Variants in GPR39 observed in about 807,000 individuals in gnomAD.
GPR39 encodes the protein zinc sensing receptor.
In GPR39, 23 loss-of-function variants were observed where a neutral mutation model predicts 18.4. That is an observed-to-expected ratio of 1.25 (90% CI 0.90 to 1.77). The LOEUF is 1.77. Ranked by LOEUF, GPR39 falls within the 40% of genes most tolerant of loss-of-function variation. The probability of loss-of-function intolerance (pLI) is 0.00; values close to 1 mark genes in which losing one functional copy is unlikely to be tolerated. For synonymous variants in GPR39, 280 were observed against 257.9 expected, an observed-to-expected ratio of 1.09 and a Z score of -0.82; for missense variants, 647 against 602.4, an observed-to-expected ratio of 1.07 and a Z score of -0.78.
chr2:132,618,227 G>A (rs1004103086), intron 1 of GPR39, among the ~76,000 whole-genome samples: 2 of 152,190 alleles, frequency 1.3e-5, no homozygotes, highest in African/African-American at 4.8e-5. Flanking sequence ...CCTGACAAAG[G>A]TCACTCCAAC....
intron 1 of GPR39, among the ~76,000 whole-genome samples, chr2:132,510,720 A>G (rs1045189627): frequency 6.6e-6 from 1 of 152,172 alleles, no homozygotes; most frequent in Non-Finnish European, 1.5e-5. Flanking sequence ...TGTTTACTTT[A>G]CTGCCATAAT....
At chr2:132,634,965 T>C (rs1681723182) in intron 1 of GPR39, among the ~76,000 whole-genome samples, 1 of 152,178 alleles carries the variant, frequency 6.6e-6, no homozygotes, top group Admixed American at 6.5e-5. Flanking sequence ...GGGCTTCAGG[T>C]TAAAGCCACC....
rs1195131399 is a variant in GPR39 at position 132,646,191 on chromosome 2, TCA to T, written c.*586_*587del. The stretch of plus-strand genomic sequence containing the variant: ...TTGCAGCAGCTGATGCAAACTGAGT[TCA>T]GTTTCCCTGGGGAGCAGAAGGACTG... On this transcript the variant is annotated 3_prime_UTR_variant, in exon 2 of 2. Coordinates refer to ENST00000329321, the MANE Select transcript of GPR39 (RefSeq NM_001508.3). The T allele has an allele frequency of 6.2e-7, 1 of 1,609,122 alleles. No individual in the cohort carries two copies. The highest frequency in any genetic ancestry group is 1.7e-5 in the Admixed American group (1 of 59,430).
At chr2:132,429,630 A>G (rs1194764938) in intron 1 of GPR39, among the ~76,000 whole-genome samples, 5 of 152,252 alleles carry the variant, frequency 3.3e-5, no homozygotes, top group Admixed American at 1.3e-4. Flanking sequence ...CCAGTGTGTG[A>G]CAAATGGGGT....
intron 1 of GPR39, among the ~76,000 whole-genome samples, chr2:132,588,202 C>G (rs1035198029): frequency 6.6e-6 from 1 of 152,150 alleles, no homozygotes; most frequent in African/African-American, 2.4e-5. Flanking sequence ...GGGTTAAAGA[C>G]CTGTAGCACT....
intron 1 of GPR39, among the ~76,000 whole-genome samples, chr2:132,426,848 A>G (rs562614762): frequency 6.6e-6 from 1 of 152,032 alleles, no homozygotes; most frequent in Non-Finnish European, 1.5e-5. Context: ...GCAGCATCAA[A>G]GTTGCCATTG....
intron 1 of GPR39, among the ~76,000 whole-genome samples, chr2:132,552,456 TA>T (rs1199420409): frequency 1.3e-5 from 2 of 152,004 alleles, no homozygotes; most frequent in Non-Finnish European, 2.9e-5. Flanking sequence ...GAGGCCTCCC[TA>T]GAAGCCAAGC....
intron 1 of GPR39, among the ~76,000 whole-genome samples, chr2:132,501,855 G>A (rs906519844): frequency 6.6e-6 from 1 of 152,044 alleles, no homozygotes; most frequent in African/African-American, 2.4e-5. Flanking sequence ...TTAAACTCCT[G>A]TTGCTTTAAA....
At chr2:132,558,270 T>C (rs758813305) in intron 1 of GPR39, among the ~76,000 whole-genome samples, 4 of 152,158 alleles carry the variant, frequency 2.6e-5, no homozygotes, top group Non-Finnish European at 5.9e-5. Context: ...CAATACCTGC[T>C]CTGTTGTCTC....
At chr2:132,603,447 G>A (rs1364751956) in intron 1 of GPR39, among the ~76,000 whole-genome samples, 1 of 152,144 alleles carries the variant, frequency 6.6e-6, no homozygotes, top group African/African-American at 2.4e-5. Context: ...ATGAGTTCTA[G>A]TGTTCTATAG....
At chr2:132,598,826 G>A (rs113067138) in intron 1 of GPR39, among the ~76,000 whole-genome samples, 27 of 152,246 alleles carry the variant, frequency 1.8e-4, no homozygotes, top group Middle Eastern at 3.4e-3. Context: ...GTGACCTTAT[G>A]TGAGCAGCAC....
chr2:132,617,387 T>G (rs1384525314), intron 1 of GPR39, among the ~76,000 whole-genome samples: 1 of 152,198 alleles, frequency 6.6e-6, no homozygotes, highest in Non-Finnish European at 1.5e-5. Flanking sequence ...TGCCTTTCCT[T>G]TGCTTCTCTA....
At chr2:132,498,467 C>T (rs1681690767) in intron 1 of GPR39, among the ~76,000 whole-genome samples, 1 of 152,108 alleles carries the variant, frequency 6.6e-6, no homozygotes, top group Admixed American at 6.5e-5. Flanking sequence ...TTTTCTTTAT[C>T]CACTCATTGA....
At position 132,545,256 on chromosome 2, in the gene GPR39, A is replaced by T. The variant is rs192511853; in HGVS notation, c.857-99845A>T. Reference sequence around the variant, plus strand: ...TGGACTGCTCTAGGTTCTACCTCAGAGTCACTTGTTAAAGGGACAGATCTT... The same window carrying T: ...TGGACTGCTCTAGGTTCTACCTCAGTGTCACTTGTTAAAGGGACAGATCTT... On this transcript the variant is annotated intron_variant, in intron 1 of 1. Transcript: ENST00000329321. 2.2e-3 allele frequency among the ~76,000 whole-genome samples: 340 copies of T among 152,328 alleles called. 2 individuals carry two copies. Among genetic ancestry groups the T allele is most frequent in the African/African-American group, 7.4e-3 (308 of 41,574 alleles).
At chr2:132,444,327 C>A (rs1680495920) in intron 1 of GPR39, among the ~76,000 whole-genome samples, 1 of 151,968 alleles carries the variant, frequency 6.6e-6, no homozygotes, top group African/African-American at 2.4e-5. Context: ...GGGTCTCACT[C>A]TTGTCACCTT....
rs566276613 is a variant in GPR39 at position 132,453,393 on chromosome 2, T to A, written c.856+35495T>A. ...GTTTGGATATTAGCCTTTTGTCAGA[T>A]GAGTAGATTGCAAAAATTTTTTCCC... On this transcript the variant is annotated intron_variant, in intron 1 of 1. Coordinates refer to ENST00000329321, the MANE Select transcript of GPR39 (RefSeq NM_001508.3). Among the ~76,000 whole-genome samples the A allele has an allele frequency of 2.0e-5, 3 of 152,358 alleles. No individual in the cohort carries two copies. In the East Asian group the frequency reaches 5.8e-4, roughly 29 times the overall value.
intron 1 of GPR39, among the ~76,000 whole-genome samples, chr2:132,631,815 C>A (rs1681654398): frequency 6.7e-6 from 1 of 150,000 alleles, no homozygotes; most frequent in African/African-American, 2.5e-5. Flanking sequence ...AGTTTTTCTT[C>A]TTCTTCTTCT....
In GPR39 at chr2:132,417,335, C is replaced by A. The variant is rs748887025; in HGVS notation, c.293C>A (p.Pro98His). The change falls in exon 1 of 2, where the codon CCC becomes CAC. Residue 98 changes from proline (P) to histidine (H), a missense_variant. Transcript: ENST00000329321. The part of the protein sequence containing the change: ...PMEFYSIIWN[P>H]LTTSSYTLSC... ...GAGTTCTACAGCATCATCTGGAATC[C>A]CCTGACCACGTCCAGCTACACCCTG... 3.1e-6 allele frequency: 5 copies of A among 1,614,138 alleles called. No homozygotes were observed. Among genetic ancestry groups the A allele is most frequent in the Non-Finnish European group, 4.2e-6 (5 of 1,180,022 alleles).
At chr2:132,540,581 A>T (rs911486420) in intron 1 of GPR39, among the ~76,000 whole-genome samples, 1 of 152,138 alleles carries the variant, frequency 6.6e-6, no homozygotes, top group Admixed American at 6.5e-5. Flanking sequence ...CTTGGCTAGG[A>T]TGGCAGGTTG....
Sources: allele counts gnomAD v4.1 joint callset (sites outside exome capture counted in the v4.1 genomes callset), GRCh38; gene constraint gnomAD v4.1.1; transcripts MANE v1.5; gene names NCBI Gene and HGNC (gene_info 2026-07-23, HGNC 2026-07-21).